Variants in SH3BGRL2 observed in about 807,000 individuals in gnomAD.
SH3BGRL2 encodes the protein SH3 domain binding glutamate rich protein like 2, also known as SH3 domain-binding glutamic acid-rich-like protein 2.
A neutral mutation model predicts 14.8 loss-of-function variants in SH3BGRL2; 21 were observed. That is an observed-to-expected ratio of 1.42 (90% confidence interval 1.01 to 2.05). SH3BGRL2 has a LOEUF of 2.05. SH3BGRL2 is among the 30% of genes most tolerant of loss of function. The probability of loss-of-function intolerance (pLI) is 0.00; values close to 1 mark genes in which losing one functional copy is unlikely to be tolerated. For missense variants in SH3BGRL2, 147 were observed against 130.8 expected, an observed-to-expected ratio of 1.12 and a Z score of -0.61; for synonymous variants, 50 against 47.8, an observed-to-expected ratio of 1.05 and a Z score of -0.19.
the SH3BGRL2 span, among the ~76,000 whole-genome samples, chr6:79,557,980 A>G: frequency 1.1e-4 from 16 of 152,224 alleles, no homozygotes; most frequent in Admixed American, 2.0e-4. Context: ...TAACTGAGCT[A>G]TTGTTTTTCT....
the SH3BGRL2 span, among the ~76,000 whole-genome samples, chr6:79,554,627 T>C: frequency 3.3e-5 from 5 of 152,212 alleles, no homozygotes; most frequent in Admixed American, 2.6e-4. Flanking sequence ...CATATTGCAG[T>C]TCAGTATTGT....
intron 1 of SH3BGRL2, among the ~76,000 whole-genome samples, chr6:79,650,845 T>C (rs1562147564): frequency 6.6e-6 from 1 of 151,720 alleles, no homozygotes; most frequent in Non-Finnish European, 1.5e-5. Flanking sequence ...TATATCAATT[T>C]ATGCCTACTA....
chr6:79,692,092 T>A (rs1300143713), intron 2 of SH3BGRL2, among the ~76,000 whole-genome samples: 1 of 152,254 alleles, frequency 6.6e-6, no homozygotes, highest in Non-Finnish European at 1.5e-5. Flanking sequence ...TGATTTGCAT[T>A]TCTCTAATGG....
the SH3BGRL2 span, among the ~76,000 whole-genome samples, chr6:79,596,175 G>T: frequency 6.6e-6 from 1 of 152,292 alleles, no homozygotes; most frequent in Middle Eastern, 3.4e-3. Flanking sequence ...TTGGTGGAAA[G>T]GTGGCCAAGA....
the SH3BGRL2 span, among the ~76,000 whole-genome samples, chr6:79,556,273 A>T: frequency 6.6e-6 from 1 of 152,188 alleles, no homozygotes; most frequent in Non-Finnish European, 1.5e-5. Context: ...AGGAAAACAG[A>T]TACACTACAT....
chr6:79,540,087 A>G, the SH3BGRL2 span, among the ~76,000 whole-genome samples: 3 of 152,170 alleles, frequency 2.0e-5, no homozygotes, highest in Non-Finnish European at 4.4e-5. Context: ...AACAGTATCT[A>G]ATATGCTGCA....
At chr6:79,563,046 C>T in the SH3BGRL2 span, among the ~76,000 whole-genome samples, 814 of 152,308 alleles carry the variant, frequency 5.3e-3, 9 homozygotes, top group African/African-American at 0.018. Context: ...AGCTCCGCCT[C>T]CCGAGTTCAC....
At chr6:79,567,811 AG>A in the SH3BGRL2 span, among the ~76,000 whole-genome samples, 1 of 152,326 alleles carries the variant, frequency 6.6e-6, no homozygotes, top group East Asian at 1.9e-4. Flanking sequence ...ACAAAAGACA[AG>A]CCATAGACTA....
At chr6:79,652,539 A>G (rs548887974) in intron 1 of SH3BGRL2, among the ~76,000 whole-genome samples, 29 of 152,260 alleles carry the variant, frequency 1.9e-4, no homozygotes, top group Non-Finnish European at 5.9e-5. Flanking sequence ...ACAGTAGGAC[A>G]TGAGGTAGGC....
upstream of SH3BGRL2, among the ~76,000 whole-genome samples, chr6:79,626,918 C>T (rs914812677): frequency 1.4e-4 from 22 of 152,094 alleles, no homozygotes; most frequent in African/African-American, 4.6e-4. Flanking sequence ...AGAAAATAGA[C>T]GCACTTAAAC....
At chr6:79,658,994 T>G (rs1039380974) in intron 1 of SH3BGRL2, among the ~76,000 whole-genome samples, 1 of 152,208 alleles carries the variant, frequency 6.6e-6, no homozygotes, top group Non-Finnish European at 1.5e-5. Context: ...GGGTTGTTTT[T>G]TTCTTGTAAA....
intron 1 of SH3BGRL2, among the ~76,000 whole-genome samples, chr6:79,646,175 G>C (rs1769140221): frequency 6.6e-6 from 1 of 152,140 alleles, no homozygotes; most frequent in African/African-American, 2.4e-5. Flanking sequence ...TGTCCCCTAG[G>C]GGGCAAAATC....
the SH3BGRL2 span, among the ~76,000 whole-genome samples, chr6:79,570,090 C>G: frequency 1.3e-5 from 2 of 152,194 alleles, no homozygotes; most frequent in East Asian, 3.9e-4. Flanking sequence ...AAAAATAATC[C>G]ATTTCCCCTT....
the SH3BGRL2 span, among the ~76,000 whole-genome samples, chr6:79,587,597 A>G: frequency 0.16 from 24,186 of 152,270 alleles, 2,380 homozygotes; most frequent in Middle Eastern, 0.33. Context: ...GCTGATAAAT[A>G]TGTGTTAATA....
At chr6:79,696,595 A>C in intron 3 of SH3BGRL2, 30 bp downstream of exon 3, 1 of 1,462,514 alleles carries the variant, frequency 6.8e-7, no homozygotes. Flanking sequence ...TTCTTGTTTT[A>C]GAATTCATCT....
the SH3BGRL2 span, among the ~76,000 whole-genome samples, chr6:79,615,623 G>A: frequency 4.6e-5 from 7 of 152,190 alleles, no homozygotes; most frequent in Non-Finnish European, 8.8e-5. Flanking sequence ...GATGCCTAGC[G>A]TACTACTTGA....
At chr6:79,538,001 G>A in the SH3BGRL2 span, among the ~76,000 whole-genome samples, 1 of 114,122 alleles carries the variant, frequency 8.8e-6, no homozygotes, top group Admixed American at 1.0e-4. Context: ...AATGGCATCT[G>A]AAATATTTGC....
At chr6:79,681,503 A>G (rs532405642) in intron 2 of SH3BGRL2, among the ~76,000 whole-genome samples, 123 of 152,224 alleles carry the variant, frequency 8.1e-4, no homozygotes, top group African/African-American at 2.9e-3. Context: ...GACTGATTAG[A>G]CTAATTTTCA....
chr6:79,694,931 A>G (rs574482283), intron 2 of SH3BGRL2, among the ~76,000 whole-genome samples: 1 of 151,870 alleles, frequency 6.6e-6, no homozygotes, highest in African/African-American at 2.4e-5. Flanking sequence ...CCGCACAGTT[A>G]TTTAGGTATT....
Sources: gnomAD v4.1 joint callset for allele counts (sites outside exome capture counted in the v4.1 genomes callset) on GRCh38, gnomAD v4.1.1 for gene constraint, MANE v1.5 for transcripts, NCBI Gene and HGNC (gene_info 2026-07-23, HGNC 2026-07-21) for gene names.